MYPN: variants seen among roughly 807,000 people sequenced by gnomAD.
The protein encoded by MYPN is myopalladin.
In MYPN, 63 loss-of-function variants were observed where a neutral mutation model predicts 129.4. That is an observed-to-expected ratio of 0.49 (90% CI 0.40 to 0.60). The LOEUF (loss-of-function observed/expected upper bound fraction) is 0.60, where lower values mean the gene tolerates loss of function less well. Ranked by LOEUF, MYPN falls within the 20% of genes least tolerant of loss-of-function variation. The pLI is 0.00. For missense variants in MYPN, 1,596 were observed against 1,635.4 expected, an observed-to-expected ratio of 0.98 and a Z score of 0.42; for synonymous variants, 629 against 600.9, an observed-to-expected ratio of 1.05 and a Z score of -0.68.
Position 68,110,272 on chromosome 10 carries a change from T to TCC in MYPN, c.-2+550_-2+551dup, listed in dbSNP as rs202079168. 1.6e-3 allele frequency among the ~76,000 whole-genome samples: 243 copies of TCC among 152,046 alleles called. 2 individuals are homozygous for TCC. The highest frequency in any genetic ancestry group is 5.7e-3 in the African/African-American group (238 of 41,394). ...TCTCCTTTCTCTCTCTCTCTCTCTC[T>TCC]CCGTCTCTTTCTCTCTCTCCCTTTT... On this transcript the variant is annotated intron_variant, in intron 1 of 19. Coordinates refer to ENST00000358913, the MANE Select transcript of MYPN (RefSeq NM_032578.4).
intron 1 of MYPN, among the ~76,000 whole-genome samples, chr10:68,092,107 T>A (rs1359879580): frequency 6.6e-6 from 1 of 152,120 alleles, no homozygotes; most frequent in Non-Finnish European, 1.5e-5. Context: ...AGTATTTGAC[T>A]CCAGAATTTT....
chr10:68,091,393 C>CTTTTTTTTTTTTTTTTTTTTTTTTTTT (rs11301512), intron 1 of MYPN, among the ~76,000 whole-genome samples: 1 of 106,760 alleles, frequency 9.4e-6, no homozygotes. Context: ...GACTACAGCC[C>CTTTTTTTTTTTTTTTTTTTTTTTTTTT]TTTTTTTTTT....
Position 68,122,087 on chromosome 10 carries a change from G to T in MYPN, c.649G>T (p.Ala217Ser). ...ERSSVPIPIP[A>S]DTRDNEVNHA... ...ATCTTCTGTTCCCATCCCTATCCCT[G>T]CGGATACCAGGGATAATGAAGTGAA... The change falls in exon 2 of 20, where the codon GCG (alanine) becomes TCG (serine). Residue 217 changes from alanine (A) to serine (S), a missense_variant. Transcript: ENST00000358913. 6.2e-7 allele frequency: 1 copy of T among 1,614,156 alleles called. No individual in the cohort carries two copies. The highest frequency in any genetic ancestry group is 8.5e-7 in the Non-Finnish European group (1 of 1,180,042).
chr10:68,119,456 G>A (rs1282782371), intron 1 of MYPN, among the ~76,000 whole-genome samples: 1 of 150,976 alleles, frequency 6.6e-6, no homozygotes, highest in Non-Finnish European at 1.5e-5. Context: ...TGTTGCCCAG[G>A]CTGGAGTGCA....
chr10:68,161,750 C>A lies in MYPN; in HGVS notation c.1481C>A (p.Pro494Gln). The A allele has an allele frequency of 6.2e-7, 1 of 1,609,750 alleles. No individual in the cohort carries two copies. The highest frequency in any genetic ancestry group is 8.5e-7 in the Non-Finnish European group (1 of 1,176,824). The change falls in exon 8 of 20, where the codon CCA becomes CAA. Residue 494 changes from proline (P) to glutamine (Q), a missense_variant and splice_region_variant. Coordinates refer to ENST00000358913, the MANE Select transcript of MYPN (RefSeq NM_032578.4). ...LQKKPRSMAEPEEICTLVIAE... is the reference protein window; with the variant it reads ...LQKKPRSMAEQEEICTLVIAE... ...TTAGAACCTCGATCCATGGCAGAGC[C>A]AGGTAAAGATGATTTCAACTTTAAT...
upstream of MYPN, among the ~76,000 whole-genome samples, chr10:68,108,918 G>A (rs10823138): frequency 0.13 from 19,513 of 151,838 alleles, 1,646 homozygotes; most frequent in East Asian, 0.44. Flanking sequence ...ACGGGGTTTC[G>A]CCATGTAGGC....
rs1272234794 is a variant in MYPN at position 68,142,978 on chromosome 10, A to G, written c.941A>G (p.Asp314Gly). ...CEGKELENSP[D>G]IHIVQAGNLH... Reference sequence around the variant, plus strand: ...GGCAAGGAGCTTGAAAATTCCCCAGATATTCACATCGTCCAGGCAGGAAAT... The same window carrying G: ...GGCAAGGAGCTTGAAAATTCCCCAGGTATTCACATCGTCCAGGCAGGAAAT... The change falls in exon 3 of 20, where the codon GAT (aspartate) becomes GGT (glycine). Residue 314 changes from aspartate to glycine, a missense_variant. Physicochemically the swap from Asp to Gly is moderately conservative, Grantham distance 94. Transcript: ENST00000358913. 6.2e-7 allele frequency: 1 copy of G among 1,614,120 alleles called. No homozygotes were observed. Among genetic ancestry groups the G allele is most frequent in the Non-Finnish European group, 8.5e-7 (1 of 1,180,006 alleles).
chr10:68,120,007 A>C (rs2042219624), intron 1 of MYPN, among the ~76,000 whole-genome samples: 1 of 152,218 alleles, frequency 6.6e-6, no homozygotes, highest in Admixed American at 6.5e-5. Context: ...CAACTGAAGT[A>C]AGTTCTATTA....
chr10:68,120,071 C>T (rs2042220638), intron 1 of MYPN, among the ~76,000 whole-genome samples: 1 of 152,132 alleles, frequency 6.6e-6, no homozygotes, highest in Non-Finnish European at 1.5e-5. Flanking sequence ...TCCACTTTCC[C>T]ACACAGTAGC....
At chr10:68,142,312 T>C (rs1419666127) in intron 2 of MYPN, among the ~76,000 whole-genome samples, 1 of 152,216 alleles carries the variant, frequency 6.6e-6, no homozygotes, top group African/African-American at 2.4e-5. Flanking sequence ...TTTGGTAAAC[T>C]TTGGCCAGAA....
rs759173215 is a variant in MYPN, at chr10:68,206,828, G to A, written c.3718G>A (p.Asp1240Asn). ...CLLIQPAKKS[D>N]AGWYTLSAKN... is the part of the protein sequence containing the mutation. The stretch of plus-strand genomic sequence containing the variant: ...TCTCATTCAGCCAGCCAAGAAATCA[G>A]ACGCTGGATGGTACACGTTGTCAGC... Residue 1240 changes from aspartate to asparagine, a missense_variant, in exon 19 of 20, where the codon GAC becomes AAC. Transcript: ENST00000358913. 4 of 1,614,220 alleles carry A rather than the reference G, an allele frequency of 2.5e-6. No individual in the cohort carries two copies. Among genetic ancestry groups the A allele is most frequent in the Admixed American group, 3.3e-5 (2 of 60,022 alleles).
At position 68,127,178 on chromosome 10, in the gene MYPN, T is replaced by C. The variant is rs77464689; in HGVS notation, c.902+4838T>C. Among the ~76,000 whole-genome samples the C allele has an allele frequency of 0.02, 2,973 of 152,096 alleles. 203 individuals are homozygous for C. The East Asian group carries it at 0.2, about 10-fold the overall frequency. On this transcript the variant is annotated intron_variant, in intron 2 of 19. Coordinates refer to ENST00000358913, the MANE Select transcript of MYPN (RefSeq NM_032578.4). ...GCCACCACACCCAGCTAATTTTTTG[T>C]ATTTTCAGTAGAGACGGGGTTTCAC...
intron 1 of MYPN, among the ~76,000 whole-genome samples, chr10:68,118,888 A>C (rs1046126398): frequency 2.7e-5 from 3 of 110,598 alleles, no homozygotes; most frequent in Non-Finnish European, 3.8e-5. Context: ...GAAGGAAGGA[A>C]GGAAGGAAGG....
rs1177493428 is a variant in MYPN at position 68,199,326 on chromosome 10, C to T, written c.3286-42C>T. The T allele has an allele frequency of 2.5e-6, 4 of 1,583,218 alleles. No individual in the cohort carries two copies. In the Middle Eastern group the frequency reaches 7.4e-4, roughly 293 times the overall value. On this transcript the variant is annotated intron_variant, in intron 16 of 19. Transcript: ENST00000358913. ...GAATTCAGCCATCAAATAAATGTGC[C>T]TGTCATCAGTCATGTGCCTCAGCTG...
rs1016008987 is a variant in MYPN, at chr10:68,136,100, C to T, written c.903-6840C>T. 89 of 337,628 alleles carry T rather than the reference C, an allele frequency of 2.6e-4. 1 individual carries two copies. Among genetic ancestry groups the T allele is most frequent in the African/African-American group, 1.8e-3 (82 of 44,710 alleles). The allele number at this position is 337,628 out of a possible 1,614,324, so 20.9% of individuals were successfully genotyped here. A position where few individuals can be genotyped will look rare whatever the true frequency, so the allele number is the denominator to read the frequency against. On this transcript the variant is annotated intron_variant, in intron 2 of 19. Coordinates refer to ENST00000358913, the MANE Select transcript of MYPN (RefSeq NM_032578.4). The stretch of plus-strand genomic sequence containing the variant: ...CAATGAGTCATAATATTTATCCAAG[C>T]CATATTTTAGAATAAATAGTAACCT...
In MYPN at chr10:68,158,218, G is replaced by C. The variant is rs531405486; in HGVS notation, c.1318-268G>C. The C allele has an allele frequency of 3.5e-5, 15 of 432,790 alleles. No homozygotes were observed. In the Admixed American group the frequency reaches 4.0e-4, roughly 11 times the overall value. 26.8% of individuals were successfully genotyped at this position (432,790 alleles called of 1,614,324 possible). A position where few individuals can be genotyped will look rare whatever the true frequency, so the allele number is the denominator to read the frequency against. ...CGTCCCTCCTGAAGCTGTGCGCTCA[G>C]TGGAAGAAGATGACCATCCCTGATA... On this transcript the variant is annotated intron_variant, in intron 6 of 19. Transcript: ENST00000358913.
rs746431976 is a variant in MYPN at position 68,121,538 on chromosome 10, C to G, written c.100C>G (p.Arg34Gly). 26 of 1,614,016 alleles carry G rather than the reference C, an allele frequency of 1.6e-5. No individual in the cohort carries two copies. Among genetic ancestry groups the G allele is most frequent in the South Asian group, 3.3e-5 (3 of 91,078 alleles). ...TRHRGNNERS[R>G]AEPSSNPCHF... is the part of the protein sequence containing the mutation. ...ACATCGGGGAAACAATGAGAGGAGT[C>G]GAGCGGAGCCCTCCTCCAACCCTTG... Residue 34 changes from arginine to glycine, a missense_variant, in exon 2 of 20, where the codon CGA becomes GGA. Coordinates refer to ENST00000358913, the MANE Select transcript of MYPN (RefSeq NM_032578.4).
chr10:68,166,159 C>A, intron 9 of MYPN, 135 bp from the exon 10 acceptor site: 1 of 1,009,872 alleles, frequency 9.9e-7, no homozygotes, highest in Non-Finnish European at 1.6e-6. Context: ...CTTTAATGCC[C>A]AGATGATGAT....
chr10:68,165,289 TA>T (rs2043035669), intron 8 of MYPN, among the ~76,000 whole-genome samples: 1 of 152,132 alleles, frequency 6.6e-6, no homozygotes. Flanking sequence ...CTATCTCTAC[TA>T]AAAATACAAA....
Sources: allele counts gnomAD v4.1 joint callset (sites outside exome capture counted in the v4.1 genomes callset), GRCh38; gene constraint gnomAD v4.1.1; transcripts MANE v1.5; gene names NCBI Gene and HGNC (gene_info 2026-07-23, HGNC 2026-07-21).